Variants in FRAS1 observed in about 807,000 individuals in gnomAD.
The protein encoded by FRAS1 is extracellular matrix organizing protein FRAS1.
A neutral mutation model predicts 435.2 loss-of-function variants in FRAS1; 290 were observed. The ratio of observed to expected loss-of-function variants is 0.67; its 90% CI spans 0.61 to 0.73. The LOEUF (loss-of-function observed/expected upper bound fraction) is 0.73. FRAS1 is among the 30% of genes least tolerant of loss of function. The pLI, the probability that FRAS1 is intolerant of heterozygous loss-of-function variation, is 0.00. For synonymous variants in FRAS1, 1,800 were observed against 1,851.0 expected (o/e 0.97, Z 0.71); for missense variants, 4,860 against 5,001.5 (o/e 0.97, Z 0.85).
At chr4:78,325,887 A>C (rs1280742883) in intron 18 of FRAS1, among the ~76,000 whole-genome samples, 1 of 152,230 alleles carries the variant, frequency 6.6e-6, no homozygotes, top group Non-Finnish European at 1.5e-5. Flanking sequence ...CAGGTGAAGA[A>C]GGTGAGAAAG....
At chr4:78,405,923 C>G (rs1162423776) in intron 30 of FRAS1, among the ~76,000 whole-genome samples, 1 of 152,196 alleles carries the variant, frequency 6.6e-6, no homozygotes, top group Non-Finnish European at 1.5e-5. Flanking sequence ...GTTTCTATAA[C>G]ACCTCTGTAT....
At chr4:78,525,692 G>A (rs1190539871) in intron 69 of FRAS1, among the ~76,000 whole-genome samples, 1 of 152,186 alleles carries the variant, frequency 6.6e-6, no homozygotes, top group African/African-American at 2.4e-5. Context: ...CCATTCAATG[G>A]ATGACAGACT....
intron 2 of FRAS1, among the ~76,000 whole-genome samples, chr4:78,170,330 T>C (rs1721500649): frequency 6.6e-6 from 1 of 152,296 alleles, no homozygotes; most frequent in Admixed American, 6.5e-5. Context: ...TTAGTAAATC[T>C]TTGCTAAATG....
At chr4:78,321,814 AGCCTGGAGTTAACAAAACTTCGTC>A (rs1560653802) in intron 18 of FRAS1, among the ~76,000 whole-genome samples, 8 of 148,214 alleles carry the variant, frequency 5.4e-5, no homozygotes, top group African/African-American at 2.0e-4. Context: ...ATTGCTCTCC[AGCCTGGAGTTAACAAAACTTCGTC>A]AAAAAAAAAA....
At chr4:78,117,812 A>C (rs1718731065) in intron 2 of FRAS1, among the ~76,000 whole-genome samples, 1 of 152,320 alleles carries the variant, frequency 6.6e-6, no homozygotes, top group South Asian at 2.1e-4. Context: ...GATCGTCTGA[A>C]GCCTTCTTCT....
At chr4:78,110,928 A>G (rs1578129135) in intron 2 of FRAS1, among the ~76,000 whole-genome samples, 1 of 12,702 alleles carries the variant, frequency 7.9e-5, no homozygotes, top group East Asian at 6.6e-4. Context: ...AACCCCATCA[A>G]CAAGTGGGTG....
chr4:78,192,080 C>T lies in FRAS1; in HGVS notation c.109-45430C>T, dbSNP rs538163403. ...TTGGTTCTGTTTATATGCTGGATTA[C>T]GTTTATTGATTTTCGTATGTTGAAC... On this transcript the variant is annotated intron_variant, in intron 2 of 73. Transcript: ENST00000512123. Among the ~76,000 whole-genome samples, 16 of 152,172 alleles carry T rather than the reference C, an allele frequency of 1.1e-4. No homozygotes were observed. The East Asian group carries it at 1.7e-3, about 17-fold the overall frequency.
rs527894208 is a variant in FRAS1, at chr4:78,273,221, G to A, written c.982-5434G>A. ...GCTTAAGGAGATTTTGGGCTGAGAC[G>A]ATGGGGTTTTCTAAATATACAACCA... is the stretch of plus-strand genomic sequence containing the variant. On this transcript the variant is annotated intron_variant, in intron 9 of 73. Transcript: ENST00000512123. 1.4e-4 allele frequency among the ~76,000 whole-genome samples: 22 copies of A among 152,242 alleles called. No individual in the cohort carries two copies. In the South Asian group the frequency reaches 3.1e-3, roughly 22 times the overall value.
chr4:78,326,759 G>A (rs2110249189), intron 18 of FRAS1, among the ~76,000 whole-genome samples: 1 of 152,256 alleles, frequency 6.6e-6, no homozygotes, highest in East Asian at 1.9e-4. Flanking sequence ...ACTGGGGGAA[G>A]CTTCAATATT....
intron 47 of FRAS1, among the ~76,000 whole-genome samples, chr4:78,459,186 T>G (rs115269437): frequency 1.3e-3 from 200 of 152,344 alleles, no homozygotes; most frequent in African/African-American, 4.5e-3. Context: ...GAAATTCTAT[T>G]TACAGGCTGA....
At chr4:78,418,600 A>G (rs1248518010) in intron 32 of FRAS1, among the ~76,000 whole-genome samples, 1 of 152,194 alleles carries the variant, frequency 6.6e-6, no homozygotes, top group East Asian at 1.9e-4. Flanking sequence ...GAGTAGCAAG[A>G]TAGTAGAATA....
intron 51 of FRAS1, 136 bp from the exon 52 acceptor site, chr4:78,472,044 C>G: frequency 4.5e-6 from 4 of 889,726 alleles, no homozygotes; most frequent in Non-Finnish European, 7.0e-6. Context: ...CATAGCCTCT[C>G]CAATCCTGAC....
At chr4:78,298,391 T>C (rs1728248107) in intron 14 of FRAS1, among the ~76,000 whole-genome samples, 1 of 151,978 alleles carries the variant, frequency 6.6e-6, no homozygotes, top group South Asian at 2.1e-4. Context: ...ACCTTAAATA[T>C]ACACAATACA....
intron 13 of FRAS1, among the ~76,000 whole-genome samples, chr4:78,285,159 A>C (rs1477092102): frequency 6.6e-6 from 1 of 152,030 alleles, no homozygotes; most frequent in Non-Finnish European, 1.5e-5. Context: ...CCTAGTTACT[A>C]TTCCCCTTAT....
chr4:78,460,754 TAGTA>T (rs756383866), intron 47 of FRAS1, among the ~76,000 whole-genome samples: 17 of 152,186 alleles, frequency 1.1e-4, no homozygotes, highest in African/African-American at 1.9e-4. Context: ...TGTAACATGA[TAGTA>T]AGTATTTGTG....
chr4:78,242,154 C>T (rs1020424922), intron 3 of FRAS1, among the ~76,000 whole-genome samples: 1 of 152,148 alleles, frequency 6.6e-6, no homozygotes, highest in African/African-American at 2.4e-5. Context: ...AATGGAAGAA[C>T]TAGAAGGGAT....
chr4:78,085,713 A>C (rs565445388), intron 2 of FRAS1, among the ~76,000 whole-genome samples: 24 of 152,308 alleles, frequency 1.6e-4, no homozygotes, highest in African/African-American at 5.1e-4. Context: ...TCAATTCAAC[A>C]AGACGAGCCA....
intron 2 of FRAS1, among the ~76,000 whole-genome samples, chr4:78,213,965 T>G (rs903700943): frequency 6.6e-6 from 1 of 152,176 alleles, no homozygotes; most frequent in African/African-American, 2.4e-5. Flanking sequence ...TAATAGGTGG[T>G]GGGTTCATTA....
At chr4:78,186,119 C>A (rs1722257034) in intron 2 of FRAS1, among the ~76,000 whole-genome samples, 1 of 152,146 alleles carries the variant, frequency 6.6e-6, no homozygotes, top group East Asian at 1.9e-4. Flanking sequence ...AAATTGATAA[C>A]CTATGGTTAA....
Sources: gnomAD v4.1 joint callset for allele counts (sites outside exome capture counted in the v4.1 genomes callset) on GRCh38, gnomAD v4.1.1 for gene constraint, MANE v1.5 for transcripts, NCBI Gene and HGNC (gene_info 2026-07-23, HGNC 2026-07-21) for gene names.